The following GRHPR variants were observed in gnomAD, a reference collection of about 807,000 sequenced individuals.
GRHPR encodes the protein glyoxylate and hydroxypyruvate reductase, also known as glyoxylate reductase/hydroxypyruvate reductase.
Under a neutral mutation model 36.8 loss-of-function variants are expected in GRHPR, and 35 were observed. The ratio of observed to expected loss-of-function variants is 0.95; its 90% CI spans 0.73 to 1.26. The LOEUF is 1.26. GRHPR is among the 50% of genes most tolerant of loss of function. The pLI is 0.00. For missense variants in GRHPR, 380 were observed against 435.0 expected (o/e 0.87, Z 1.12); for synonymous variants, 179 against 181.0 (o/e 0.99, Z 0.09).
Position 37,428,483 on chromosome 9 carries a change from G to C in GRHPR, c.405-1G>C. 6.2e-7 allele frequency: 1 copy of C among 1,603,694 alleles called. No individual in the cohort carries two copies. Among genetic ancestry groups the C allele is most frequent in the Non-Finnish European group, 8.5e-7 (1 of 1,171,268 alleles). On this transcript the variant is annotated splice_acceptor_variant, in intron 4 of 8. Transcript: ENST00000318158. LOFTEE classifies it high-confidence loss of function. ...TCACCTGCCCCTCTCTCTCCCCTCA[G>C]TGGTGGCTGGACCTCGTGGAAGCCC...
downstream of GRHPR, chr9:37,438,667 C>G (rs1485244120): frequency 6.6e-6 from 1 of 152,328 alleles, no homozygotes; most frequent in Non-Finnish European, 1.5e-5. Flanking sequence ...TTTCTCCAGG[C>G]TAACCCACTG....
exon 1 of GRHPR, chr9:37,422,683 CCCCGGCCCAGCTACATT>C: frequency 8.6e-6 from 11 of 1,282,334 alleles, no homozygotes; most frequent in Non-Finnish European, 1.2e-5. Context: ...CCTGGCCCCG[CCCCGGCCCAGCTACATT>C]CCCGGGCCAG....
chr9:37,433,880 A>C (rs1808306861), intron 8 of GRHPR: 1 of 395,834 alleles, frequency 2.5e-6, no homozygotes, highest in South Asian at 1.4e-4. Flanking sequence ...TGGAATGGAA[A>C]CCTAAACAAA....
intron 1 of GRHPR, among the ~76,000 whole-genome samples, chr9:37,423,048 A>C (rs1248066475): frequency 6.6e-6 from 1 of 152,172 alleles, no homozygotes; most frequent in Non-Finnish European, 1.5e-5. Context: ...GGCAAGGTCC[A>C]GGCTAATTCT....
At chr9:37,422,517 AC>A (rs397973316), upstream of GRHPR, 94 of 517,868 alleles carry the variant, frequency 1.8e-4, 4 homozygotes, top group Admixed American at 2.4e-4. Flanking sequence ...CACGAGGCGC[AC>A]CCCCCCACAC....
At chr9:37,428,633 GCAC>G (rs1470617671) in intron 5 of GRHPR, 61 bp downstream of exon 5, 7 of 1,091,684 alleles carry the variant, frequency 6.4e-6, no homozygotes, top group African/African-American at 1.5e-5. Context: ...TGCATCCCTG[GCAC>G]CACGTGTCTG....
intron 8 of GRHPR, chr9:37,434,705 T>C (rs1441786074): frequency 1.3e-5 from 2 of 157,352 alleles, no homozygotes; most frequent in Non-Finnish European, 2.8e-5. Flanking sequence ...TAAACTGTAA[T>C]GTACGAAATA....
downstream of GRHPR, chr9:37,439,087 TA>T (rs1823799538): frequency 6.6e-6 from 1 of 152,212 alleles, no homozygotes; most frequent in Non-Finnish European, 1.5e-5. Context: ...ATATAAAACA[TA>T]AAATGAACTC....
At chr9:37,430,246 G>A (rs1049946579) in intron 6 of GRHPR, 2 of 579,678 alleles carry the variant, frequency 3.5e-6, no homozygotes, top group South Asian at 1.9e-5. Flanking sequence ...ACAGCCTGGT[G>A]AGCAGATGGC....
Position 37,428,806 on chromosome 9 carries a change from CA to C in GRHPR, c.493+235del, listed in dbSNP as rs376781208. 5.5e-5 allele frequency: 36 copies of C among 660,076 alleles called. No individual in the cohort carries two copies. In the Middle Eastern group the frequency reaches 1.9e-3, roughly 35 times the overall value. The allele number at this position is 660,076 out of a possible 1,614,324, so 40.9% of individuals were successfully genotyped here. A position where few individuals can be genotyped will look rare whatever the true frequency, so the allele number is the denominator to read the frequency against. On this transcript the variant is annotated intron_variant, in intron 5 of 8. Coordinates refer to ENST00000318158, the MANE Select transcript of GRHPR (RefSeq NM_012203.2). ...TGATAAAAGCAAGTTGCCTAAGGGTCAGGGGGCTTCATGATTCCGGCTCCAT... is the reference window on the plus strand; with the variant it reads ...TGATAAAAGCAAGTTGCCTAAGGGTCGGGGGCTTCATGATTCCGGCTCCAT...
upstream of GRHPR, chr9:37,422,567 C>T (rs540839039): frequency 1.5e-6 from 1 of 648,128 alleles, no homozygotes; most frequent in Non-Finnish European, 2.8e-6. Flanking sequence ...GTTACTGTCA[C>T]TCCCCGAGCA....
At chr9:37,434,073 G>A in intron 8 of GRHPR, 1 of 398,508 alleles carries the variant, frequency 2.5e-6, no homozygotes, top group Non-Finnish European at 4.4e-6. Flanking sequence ...ACGGCCTGGG[G>A]ACTGCTTCAA....
chr9:37,430,731 G>A lies in GRHPR; in HGVS notation c.734+85G>A, dbSNP rs765235373. On this transcript the variant is annotated intron_variant, in intron 7 of 8. Transcript: ENST00000318158. ...CTGGAGATTTTCTTCCCCGTGGGTTGTTGGTGAGACCCCAGGCTGAGCTTG... is the reference window on the plus strand; with the variant it reads ...CTGGAGATTTTCTTCCCCGTGGGTTATTGGTGAGACCCCAGGCTGAGCTTG... 4 of 1,285,778 alleles carry A rather than the reference G, an allele frequency of 3.1e-6. No individual in the cohort carries two copies. In the East Asian group the frequency reaches 7.1e-5, roughly 23 times the overall value. 79.6% of individuals were successfully genotyped at this position (1,285,778 alleles called of 1,614,324 possible).
In GRHPR at chr9:37,436,795, G is replaced by C; in HGVS notation, c.*13G>C. Reference sequence around the variant, plus strand: ...ACTCAAGCTGTAGCCAAACAGTAGAGATGGAGGGCCGGGAAGCAAACCGTG... The same window carrying C: ...ACTCAAGCTGTAGCCAAACAGTAGACATGGAGGGCCGGGAAGCAAACCGTG... On this transcript the variant is annotated 3_prime_UTR_variant, in exon 9 of 9. Coordinates refer to ENST00000318158, the MANE Select transcript of GRHPR (RefSeq NM_012203.2). 6.2e-7 allele frequency: 1 copy of C among 1,613,990 alleles called. No homozygotes were observed. Among genetic ancestry groups the C allele is most frequent in the African/African-American group, 1.3e-5 (1 of 75,030 alleles).
At chr9:37,429,446 G>T (rs552558118) in intron 5 of GRHPR, 1 of 475,874 alleles carries the variant, frequency 2.1e-6, no homozygotes, top group East Asian at 4.2e-5. Flanking sequence ...GGAAAAACCT[G>T]AGTGGCTTTC....
At chr9:37,436,623 C>A (rs753280375) in intron 8 of GRHPR, 38 bp from the exon 9 acceptor site, 1 of 1,610,988 alleles carries the variant, frequency 6.2e-7, no homozygotes, top group Admixed American at 1.7e-5. Flanking sequence ...GCTGAACCAC[C>A]CTTCTTATCT....
rs1441902484 is a variant in GRHPR at position 37,436,960 on chromosome 9, G to GGT, written c.*179_*180dup. 6.1e-6 allele frequency: 4 copies of GGT among 654,308 alleles called. No homozygotes were observed. In the African/African-American group the frequency reaches 7.2e-5, roughly 12 times the overall value. The allele number at this position is 654,308 out of a possible 1,614,324, so 40.5% of individuals were successfully genotyped here. A position where few individuals can be genotyped will look rare whatever the true frequency, so the allele number is the denominator to read the frequency against. On this transcript the variant is annotated 3_prime_UTR_variant, in exon 9 of 9. Coordinates refer to ENST00000318158, the MANE Select transcript of GRHPR (RefSeq NM_012203.2). ...TTGGACACATTTGCGCCAAAAGTAT[G>GGT]GTAATTCTATTATTAAATAATTCTC... is the stretch of plus-strand genomic sequence containing the variant.
At chr9:37,429,655 C>A in intron 5 of GRHPR, 77 bp from the exon 6 acceptor site, 1 of 945,738 alleles carries the variant, frequency 1.1e-6, no homozygotes. Context: ...CCCTGAGGGC[C>A]GCTGTTCCAG....
chr9:37,422,547 T>G, upstream of GRHPR: 4 of 615,180 alleles, frequency 6.5e-6, no homozygotes, highest in East Asian at 3.6e-5. Flanking sequence ...GGACACTGTG[T>G]AGGGTCACTG....
Sources: gnomAD v4.1 joint callset for allele counts (sites outside exome capture counted in the v4.1 genomes callset) on GRCh38, gnomAD v4.1.1 for gene constraint, MANE v1.5 for transcripts, NCBI Gene and HGNC (gene_info 2026-07-23, HGNC 2026-07-21) for gene names.